TMEM222: variants seen among roughly 807,000 people sequenced by gnomAD.
The protein encoded by TMEM222 is chromosome 1 open reading frame 160.
In TMEM222, 18 loss-of-function variants were observed where a neutral mutation model predicts 25.1. That is an observed-to-expected ratio of 0.72 (90% CI 0.50 to 1.06). The LOEUF (loss-of-function observed/expected upper bound fraction) is 1.06, where lower values mean the gene tolerates loss of function less well. TMEM222 is among the 50% of genes least tolerant of loss of function. The pLI is 0.00. For missense variants in TMEM222, 296 were observed against 293.7 expected, an observed-to-expected ratio of 1.01 and a Z score of -0.06; for synonymous variants, 131 against 117.9, an observed-to-expected ratio of 1.11 and a Z score of -0.72.
At chr1:27,331,446 CAT>C (rs1224387799) in intron 2 of TMEM222, among the ~76,000 whole-genome samples, 1 of 152,198 alleles carries the variant, frequency 6.6e-6, no homozygotes, top group Non-Finnish European at 1.5e-5. Flanking sequence ...ATTACTTTAT[CAT>C]ATATTTTTAT....
intron 1 of TMEM222, among the ~76,000 whole-genome samples, chr1:27,329,122 C>G (rs558405617): frequency 3.3e-5 from 5 of 152,168 alleles, no homozygotes; most frequent in African/African-American, 1.2e-4. Context: ...CAATTTCTAC[C>G]CTTGCACATT....
At chr1:27,326,511 AGTGCTGCT>A (rs1406031615) in intron 1 of TMEM222, among the ~76,000 whole-genome samples, 1 of 152,186 alleles carries the variant, frequency 6.6e-6, no homozygotes, top group Non-Finnish European at 1.5e-5. Context: ...GAAAAATAAA[AGTGCTGCT>A]GTAACCAAAA....
intron 1 of TMEM222, among the ~76,000 whole-genome samples, chr1:27,330,422 T>A (rs1307102108): frequency 6.6e-6 from 1 of 151,722 alleles, no homozygotes; most frequent in Non-Finnish European, 1.5e-5. Flanking sequence ...TAGAAACAGT[T>A]TATCCCTCCC....
At chr1:27,322,896 C>G (rs954382714) in intron 1 of TMEM222, among the ~76,000 whole-genome samples, 1 of 152,018 alleles carries the variant, frequency 6.6e-6, no homozygotes, top group Non-Finnish European at 1.5e-5. Flanking sequence ...CGTGCCATCT[C>G]AGTTGCAAAC....
At position 27,330,784 on chromosome 1, in the gene TMEM222, G is replaced by T. The variant is rs776624453; in HGVS notation, c.259G>T (p.Ala87Ser). ...CTSTGVIRDF[A>S]GPYFVSEDNM... is the part of the protein sequence containing the mutation. ...ATCCACAGGAGTCATTCGGGACTTC[G>T]CGGGCCCCTACTTTGTCTCAGTGAG... is the stretch of plus-strand genomic sequence containing the variant. Residue 87 changes from alanine (A) to serine (S), a missense_variant, in exon 2 of 6, where the codon GCG becomes TCG. Ala to Ser is a moderately conservative substitution (Grantham distance 99). Coordinates refer to ENST00000374076, the MANE Select transcript of TMEM222 (RefSeq NM_032125.3). 1 of 1,614,076 alleles carries T rather than the reference G, an allele frequency of 6.2e-7. No homozygotes were observed. The highest frequency in any genetic ancestry group is 1.1e-5 in the South Asian group (1 of 91,068).
rs1183796810 is a variant in TMEM222 at position 27,333,973 on chromosome 1, C to G, written c.327C>G (p.Asp109Glu). The G allele has an allele frequency of 1.2e-6, 2 of 1,613,862 alleles. No individual in the cohort carries two copies. Among genetic ancestry groups the G allele is most frequent in the African/African-American group, 1.3e-5 (1 of 74,918 alleles). The stretch of plus-strand genomic sequence containing the variant: ...CTCCCCCCAGGTACTGGAAGTTGGA[C>G]CCTGCTCAGGTCTATGCTAGCGGGC... ...FGKPAKYWKL[D>E]PAQVYASGPN... is the part of the protein sequence containing the mutation. Residue 109 changes from aspartate to glutamate, a missense_variant, in exon 4 of 6, where the codon GAC becomes GAG. Physicochemically the swap from Asp to Glu is conservative, Grantham distance 45. Transcript: ENST00000374076.
At chr1:27,323,308 G>T (rs1381850387) in intron 1 of TMEM222, among the ~76,000 whole-genome samples, 2 of 152,126 alleles carry the variant, frequency 1.3e-5, no homozygotes, top group Non-Finnish European at 2.9e-5. Flanking sequence ...TCACCTGATG[G>T]GATAGCTTGT....
At chr1:27,332,255 A>G (rs947126567) in intron 3 of TMEM222, 154 bp downstream of exon 3, 1 of 839,448 alleles carries the variant, frequency 1.2e-6, no homozygotes, top group Non-Finnish European at 2.0e-6. Context: ...GAGCATGGCA[A>G]CCCCATACAG....
At chr1:27,328,291 C>T (rs1201637291) in intron 1 of TMEM222, among the ~76,000 whole-genome samples, 1 of 151,942 alleles carries the variant, frequency 6.6e-6, no homozygotes, top group Non-Finnish European at 1.5e-5. Flanking sequence ...GAGGATTTGG[C>T]GTGTTTGAGG....
At chr1:27,328,280 G>C (rs2014401140) in intron 1 of TMEM222, among the ~76,000 whole-genome samples, 1 of 152,138 alleles carries the variant, frequency 6.6e-6, no homozygotes, top group African/African-American at 2.4e-5. Flanking sequence ...GCATGGGGTG[G>C]GAGGATTTGG....
intron 5 of TMEM222, chr1:27,334,555 C>T (rs185919831): frequency 4.6e-4 from 665 of 1,436,944 alleles, no homozygotes; most frequent in Non-Finnish European, 5.5e-4. Flanking sequence ...TTAGCCACAG[C>T]TGTCTCTGGT....
intron 1 of TMEM222, among the ~76,000 whole-genome samples, chr1:27,330,436 A>T (rs927377718): frequency 2.0e-5 from 3 of 150,092 alleles, no homozygotes; most frequent in Admixed American, 6.6e-5. Flanking sequence ...CCCTCCCACC[A>T]GCAGTGAATG....
chr1:27,333,888 C>T, intron 3 of TMEM222, 70 bp from the exon 4 acceptor site: 2 of 1,427,332 alleles, frequency 1.4e-6, no homozygotes, highest in Non-Finnish European at 1.9e-6. Context: ...GGGCAGGCCT[C>T]AGAGGACGTG....
chr1:27,335,324 G>A (rs930678138), intron 5 of TMEM222, 55 bp from the exon 6 acceptor site: 133 of 1,563,150 alleles, frequency 8.5e-5, no homozygotes, highest in Non-Finnish European at 1.1e-4. Flanking sequence ...GCTGCGGGCC[G>A]CATGCCTGCT....
At position 27,334,199 on chromosome 1, in the gene TMEM222, A is replaced by C. The variant is rs373363592; in HGVS notation, c.457A>C (p.Asn153His). Residue 153 changes from asparagine (N) to histidine (H), a missense_variant, in exon 5 of 6, where the codon AAT (asparagine) becomes CAT (histidine). Physicochemically the swap from Asn to His is moderately conservative, Grantham distance 68. Coordinates refer to ENST00000374076, the MANE Select transcript of TMEM222 (RefSeq NM_032125.3). ...CCACTCGCACGTGGCATTGGCCCTG[A>C]ATCTGATGCGCTACAACAACAGCAC... is the stretch of plus-strand genomic sequence containing the variant. Reference protein sequence around the residue: ...NCHSHVALALNLMRYNNSTNW... With the variant: ...NCHSHVALALHLMRYNNSTNW... 1 of 1,614,170 alleles carries C rather than the reference A, an allele frequency of 6.2e-7. No individual in the cohort carries two copies. The highest frequency in any genetic ancestry group is 8.5e-7 in the Non-Finnish European group (1 of 1,180,026).
intron 5 of TMEM222, chr1:27,334,709 G>A (rs750302107): frequency 1.3e-5 from 17 of 1,349,284 alleles, no homozygotes; most frequent in African/African-American, 1.0e-4. Context: ...GCCCATGGTC[G>A]CCACAGCATG....
At chr1:27,324,984 G>T (rs1419349081) in intron 1 of TMEM222, among the ~76,000 whole-genome samples, 1 of 152,160 alleles carries the variant, frequency 6.6e-6, no homozygotes, top group African/African-American at 2.4e-5. Flanking sequence ...AGGAGATTTG[G>T]CGGGGACAGA....
In TMEM222 at chr1:27,329,468, T is replaced by C. The variant is rs566168088; in HGVS notation, c.195-1252T>C. ...CTTGGACTTCACGTAAACAGAGTGC[T>C]ATGTTACGTACTCTGTGTAAGATTT... On this transcript the variant is annotated intron_variant, in intron 1 of 5. Coordinates refer to ENST00000374076, the MANE Select transcript of TMEM222 (RefSeq NM_032125.3). Among the ~76,000 whole-genome samples, 71 of 152,318 alleles carry C rather than the reference T, an allele frequency of 4.7e-4. No individual in the cohort carries two copies. The Middle Eastern group carries it at 0.01, about 22-fold the overall frequency.
Position 27,322,644 on chromosome 1 carries a change from C to T in TMEM222, c.194+253C>T, listed in dbSNP as rs140681932. 2.4e-3 allele frequency among the ~76,000 whole-genome samples: 361 copies of T among 152,352 alleles called. 4 individuals carry two copies. Among genetic ancestry groups the T allele is most frequent in the African/African-American group, 8.3e-3 (346 of 41,566 alleles). On this transcript the variant is annotated intron_variant, in intron 1 of 5. Coordinates refer to ENST00000374076, the MANE Select transcript of TMEM222 (RefSeq NM_032125.3). Reference sequence around the variant, plus strand: ...TAGGCCAGCAGGAAAGGGCAAGTGGCTGGGAGACTCGAGCTGTGAGTGTGT... The same window carrying T: ...TAGGCCAGCAGGAAAGGGCAAGTGGTTGGGAGACTCGAGCTGTGAGTGTGT...
Sources: gnomAD v4.1 joint callset for allele counts (sites outside exome capture counted in the v4.1 genomes callset) on GRCh38, gnomAD v4.1.1 for gene constraint, MANE v1.5 for transcripts, NCBI Gene and HGNC (gene_info 2026-07-23, HGNC 2026-07-21) for gene names.